Variants in CHRM3 observed in about 807,000 individuals in gnomAD.
CHRM3 encodes muscarinic acetylcholine receptor M3.
CHRM3 carries 11 observed loss-of-function variants against 41.8 expected under a neutral mutation model. The observed-to-expected ratio is 0.26, with a 90% CI of 0.17 to 0.44. The LOEUF (loss-of-function observed/expected upper bound fraction) is 0.44. Ranked by LOEUF, CHRM3 falls within the 20% of genes least tolerant of loss-of-function variation. The probability of loss-of-function intolerance (pLI) is 1.00; values close to 1 mark genes in which losing one functional copy is unlikely to be tolerated. For missense variants in CHRM3, 571 were observed against 745.4 expected (o/e 0.77, Z 2.72); for synonymous variants, 297 against 301.4 (o/e 0.99, Z 0.15).
chr1:239,495,963 T>C (rs1340362472), intron 2 of CHRM3, among the ~76,000 whole-genome samples: 1 of 152,100 alleles, frequency 6.6e-6, no homozygotes, highest in Non-Finnish European at 1.5e-5. Flanking sequence ...GCATACCTAC[T>C]ATCATTGGGA....
At chr1:239,655,654 C>T (rs1672645788) in intron 4 of CHRM3, among the ~76,000 whole-genome samples, 1 of 152,094 alleles carries the variant, frequency 6.6e-6, no homozygotes, top group Non-Finnish European at 1.5e-5. Flanking sequence ...TCCCTAAGAC[C>T]TTACTGTCCA....
Position 239,623,150 on chromosome 1 carries a change from C to T in CHRM3, c.-312-9074C>T, listed in dbSNP as rs1032400025. 2.0e-5 allele frequency among the ~76,000 whole-genome samples: 3 copies of T among 152,142 alleles called. No individual in the cohort carries two copies. The South Asian group carries it at 6.2e-4, about 32-fold the overall frequency. Reference sequence around the variant, plus strand: ...TTATTATACTTTAAGTTTTAGGGTACATGTGCACAACGTGCAGGTTTGTTA... The same window carrying T: ...TTATTATACTTTAAGTTTTAGGGTATATGTGCACAACGTGCAGGTTTGTTA... On this transcript the variant is annotated intron_variant, in intron 3 of 6. Transcript: ENST00000676153.
intron 5 of CHRM3, among the ~76,000 whole-genome samples, chr1:239,684,308 C>T (rs1558451422): frequency 2.0e-5 from 3 of 152,102 alleles, no homozygotes; most frequent in Non-Finnish European, 4.4e-5. Flanking sequence ...CAGTCCCCCA[C>T]AACAAAGAAT....
chr1:239,741,395 G>A (rs1232551080), intron 5 of CHRM3, among the ~76,000 whole-genome samples: 2 of 152,134 alleles, frequency 1.3e-5, no homozygotes, highest in Non-Finnish European at 2.9e-5. Context: ...GTATAGGGTG[G>A]ACATTTCTCA....
chr1:239,618,687 A>G (rs957619760), intron 3 of CHRM3, among the ~76,000 whole-genome samples: 2 of 150,846 alleles, frequency 1.3e-5, no homozygotes, highest in Admixed American at 1.3e-4. Context: ...TACTAAAAAT[A>G]CAAAAAATTA....
At chr1:239,743,788 C>CT (rs10718514) in intron 5 of CHRM3, among the ~76,000 whole-genome samples, 2,442 of 81,252 alleles carry the variant, frequency 0.03, 133 homozygotes, top group Non-Finnish European at 0.043. Flanking sequence ...TTTTTTTTTT[C>CT]TTTTTTTTTT....
intron 3 of CHRM3, among the ~76,000 whole-genome samples, chr1:239,609,173 C>T (rs1666707365): frequency 6.6e-6 from 1 of 152,172 alleles, no homozygotes; most frequent in Non-Finnish European, 1.5e-5. Context: ...CATCACCAGG[C>T]AACCATAGAT....
Position 239,529,346 on chromosome 1 carries a change from C to T in CHRM3, c.-421-16295C>T, listed in dbSNP as rs185580847. ...GCCTTTTTGGCCGGGCATGGTGGCT[C>T]ACGCCTGTAATCCCAGCACTTTGGG... On this transcript the variant is annotated intron_variant, in intron 2 of 6. Transcript: ENST00000676153. 3.5e-3 allele frequency among the ~76,000 whole-genome samples: 527 copies of T among 152,222 alleles called. 5 individuals carry two copies. Among genetic ancestry groups the T allele is most frequent in the African/African-American group, 0.012 (506 of 41,530 alleles).
At chr1:239,815,408 A>C (rs1411901817) in intron 5 of CHRM3, among the ~76,000 whole-genome samples, 1 of 152,174 alleles carries the variant, frequency 6.6e-6, no homozygotes, top group Non-Finnish European at 1.5e-5. Flanking sequence ...TATTTGTAAA[A>C]TTAAAAGGCT....
chr1:239,893,668 G>C (rs1333586182), intron 6 of CHRM3, among the ~76,000 whole-genome samples: 3 of 149,910 alleles, frequency 2.0e-5, no homozygotes, highest in Non-Finnish European at 4.4e-5. Flanking sequence ...AGCAGTAGCA[G>C]AGGAAAGGGT....
chr1:239,880,773 A>C (rs1677520574), intron 6 of CHRM3, among the ~76,000 whole-genome samples: 1 of 152,186 alleles, frequency 6.6e-6, no homozygotes, highest in Admixed American at 6.5e-5. Context: ...CTGCAATTAT[A>C]GCTGTGAGCC....
At chr1:239,760,500 C>A (rs773800334) in intron 5 of CHRM3, among the ~76,000 whole-genome samples, 7 of 152,136 alleles carry the variant, frequency 4.6e-5, no homozygotes, top group Non-Finnish European at 8.8e-5. Flanking sequence ...GCGTGGTCTT[C>A]TTTTCTTATC....
At chr1:239,627,500 A>G (rs1344474369) in intron 3 of CHRM3, among the ~76,000 whole-genome samples, 3 of 101,010 alleles carry the variant, frequency 3.0e-5, no homozygotes, top group African/African-American at 1.2e-4. Flanking sequence ...TAGTCCATTT[A>G]TATTTAAAGT....
intron 4 of CHRM3, among the ~76,000 whole-genome samples, chr1:239,667,496 C>T (rs896138279): frequency 6.6e-6 from 1 of 152,178 alleles, no homozygotes; most frequent in African/African-American, 2.4e-5. Flanking sequence ...CATGATCACC[C>T]TGCCTCAACA....
chr1:239,722,180 A>AT (rs1471433443), intron 5 of CHRM3, among the ~76,000 whole-genome samples: 1 of 151,910 alleles, frequency 6.6e-6, no homozygotes, highest in Non-Finnish European at 1.5e-5. Flanking sequence ...TTGTCAGGCG[A>AT]TTTATAAAAA....
rs189605181 is a variant in CHRM3, at chr1:239,670,855, C to A, written c.-249-7331C>A. Among the ~76,000 whole-genome samples the A allele has an allele frequency of 2.6e-5, 4 of 151,990 alleles. No individual in the cohort carries two copies. In the East Asian group the frequency reaches 7.8e-4, roughly 29 times the overall value. ...GGTGACTGTGGATAGTTTCTGTGAA[C>A]TTCATATGCAAGTTTCTGAGTAGAC... On this transcript the variant is annotated intron_variant, in intron 4 of 6. Coordinates refer to ENST00000676153, the MANE Select transcript of CHRM3 (RefSeq NM_001375978.1).
chr1:239,393,543 T>C (rs945704156), intron 1 of CHRM3, among the ~76,000 whole-genome samples: 1 of 152,170 alleles, frequency 6.6e-6, no homozygotes, highest in African/African-American at 2.4e-5. Context: ...TGATGTTTCT[T>C]TATATGGAGT....
At chr1:239,577,136 T>C (rs377043943) in intron 3 of CHRM3, among the ~76,000 whole-genome samples, 3 of 152,164 alleles carry the variant, frequency 2.0e-5, no homozygotes, top group African/African-American at 4.8e-5. Flanking sequence ...AAGCTTCTAA[T>C]AGATTTCTGA....
At chr1:239,403,043 A>G (rs765019389) in intron 1 of CHRM3, among the ~76,000 whole-genome samples, 2 of 152,174 alleles carry the variant, frequency 1.3e-5, no homozygotes, top group Non-Finnish European at 2.9e-5. Flanking sequence ...ATCTTTTTCA[A>G]TCCCCATGCT....
Sources: gnomAD v4.1 joint callset for allele counts (sites outside exome capture counted in the v4.1 genomes callset) on GRCh38, gnomAD v4.1.1 for gene constraint, MANE v1.5 for transcripts, NCBI Gene and HGNC (gene_info 2026-07-23, HGNC 2026-07-21) for gene names.